The following GRHPR variants were observed in gnomAD, a reference collection of about 807,000 sequenced individuals.
GRHPR encodes glyoxylate reductase/hydroxypyruvate reductase.
GRHPR carries 35 observed loss-of-function variants against 36.8 expected under a neutral mutation model. The observed-to-expected ratio is 0.95, with a 90% CI of 0.73 to 1.26. GRHPR has a LOEUF of 1.26. GRHPR is among the 50% of genes most tolerant of loss of function. The pLI is 0.00. For synonymous variants in GRHPR, 179 were observed against 181.0 expected, an observed-to-expected ratio of 0.99 and a Z score of 0.09; for missense variants, 380 against 435.0, an observed-to-expected ratio of 0.87 and a Z score of 1.12.
chr9:37,425,859 C>G, intron 2 of GRHPR, 63 bp from the exon 3 acceptor site: 1 of 1,013,634 alleles, frequency 9.9e-7, no homozygotes, highest in Non-Finnish European at 1.6e-6. Context: ...CATGATAGTC[C>G]CCAGTGCTGT....
At chr9:37,437,048 C>T (rs972863130), downstream of GRHPR, 16 of 421,006 alleles carry the variant, frequency 3.8e-5, no homozygotes, top group East Asian at 4.7e-4. Context: ...GGCATGGTGA[C>T]GCACCCCTAT....
chr9:37,430,980 G>A (rs1445757818), intron 7 of GRHPR: 2 of 497,224 alleles, frequency 4.0e-6, no homozygotes, highest in Non-Finnish European at 4.1e-6. Flanking sequence ...TTGAGGATCT[G>A]AAGGGCCCTC....
intron 4 of GRHPR, 94 bp downstream of exon 4, chr9:37,426,748 G>T: frequency 1.3e-6 from 1 of 763,234 alleles, no homozygotes; most frequent in Non-Finnish European, 2.4e-6. Flanking sequence ...AGGAGTTCGA[G>T]ACCAGTCTGG....
intron 7 of GRHPR, chr9:37,431,082 AAAACTCAC>A (rs1823344888): frequency 1.1e-5 from 5 of 470,072 alleles, no homozygotes; most frequent in African/African-American, 1.0e-4. Context: ...GACAGACCCT[AAAACTCAC>A]GTGGTCGTAG....
downstream of GRHPR, chr9:37,438,912 CT>C (rs904783473): frequency 2.0e-5 from 3 of 152,186 alleles, no homozygotes; most frequent in African/African-American, 7.2e-5. Flanking sequence ...CCAAGCGCCC[CT>C]GGAACATGAA....
intron 8 of GRHPR, 96 bp from the exon 9 acceptor site, chr9:37,436,565 T>C (rs1362692338): frequency 7.4e-7 from 1 of 1,351,806 alleles, no homozygotes; most frequent in Non-Finnish European, 1.1e-6. Context: ...CTCTCTTTAT[T>C]CTTCTTACCG....
intron 4 of GRHPR, 92 bp downstream of exon 4, chr9:37,426,746 G>C (rs973633749): frequency 1.3e-6 from 1 of 771,624 alleles, no homozygotes; most frequent in Non-Finnish European, 2.3e-6. Context: ...TTAGGAGTTC[G>C]AGACCAGTCT....
chr9:37,427,838 C>CAAA (rs1157647918), intron 4 of GRHPR: 17 of 86,562 alleles, frequency 2.0e-4, no homozygotes, highest in African/African-American at 4.6e-4. Context: ...ACCCTGTCTC[C>CAAA]AAAAAAAAAA....
At chr9:37,438,530 T>G (rs1171711045), downstream of GRHPR, 4 of 152,220 alleles carry the variant, frequency 2.6e-5, no homozygotes, top group Admixed American at 2.6e-4. Context: ...CAAAGTCCAC[T>G]TATGCTTCAG....
intron 8 of GRHPR, 116 bp downstream of exon 8, chr9:37,432,254 G>T: frequency 1.1e-6 from 1 of 952,376 alleles, no homozygotes; most frequent in South Asian, 1.4e-5. Flanking sequence ...AACCCAAAGG[G>T]ACACACCAGG....
At chr9:37,436,108 G>A (rs7867764) in intron 8 of GRHPR, among the ~76,000 whole-genome samples, 20,921 of 152,124 alleles carry the variant, frequency 0.14, 1,768 homozygotes, top group Middle Eastern at 0.23. Flanking sequence ...ACTCCTATGC[G>A]TTCACCATTT....
intron 8 of GRHPR, chr9:37,432,713 T>C (rs924728374): frequency 7.5e-5 from 13 of 172,564 alleles, no homozygotes; most frequent in East Asian, 3.1e-4. Context: ...GCTGACTACA[T>C]GTCTCCATGT....
Position 37,426,638 on chromosome 9 carries a change from A to G in GRHPR, c.388A>G (p.Ile130Val). 1.2e-6 allele frequency: 2 copies of G among 1,606,526 alleles called. No individual in the cohort carries two copies. The highest frequency in any genetic ancestry group is 2.2e-5 in the East Asian group (1 of 44,852). Residue 130 changes from isoleucine (I) to valine (V), a missense_variant, in exon 4 of 9, where the codon ATC becomes GTC. Physicochemically the swap from Ile to Val is conservative, Grantham distance 29. Transcript: ENST00000318158. ...CACCTGCCGCCGGTTGCCGGAGGCCATCGAGGAAGTGAAGAAGTAAGTGAA... is the reference window on the plus strand; with the variant it reads ...CACCTGCCGCCGGTTGCCGGAGGCCGTCGAGGAAGTGAAGAAGTAAGTGAA... Reference protein sequence around the residue: ...LTTCRRLPEAIEEVKNGGWTS... With the variant: ...LTTCRRLPEAVEEVKNGGWTS...
intron 8 of GRHPR, among the ~76,000 whole-genome samples, chr9:37,435,440 A>G (rs1230444859): frequency 2.0e-5 from 3 of 152,236 alleles, no homozygotes; most frequent in East Asian, 3.9e-4. Context: ...TCCCTTCCTA[A>G]GTGTAGGGAA....
chr9:37,422,638 C>G (rs1822880032), upstream of GRHPR: 1 of 855,782 alleles, frequency 1.2e-6, no homozygotes, highest in Non-Finnish European at 1.9e-6. Flanking sequence ...ACCCCCTGCG[C>G]ACGCCGCGCG....
At chr9:37,439,430 ATAAAATTTAGGGTCTGTACTGT>A (rs1823811529), downstream of GRHPR, 1 of 152,238 alleles carries the variant, frequency 6.6e-6, no homozygotes, top group East Asian at 1.9e-4. Context: ...GCAACAAATA[ATAAAATTTAGGGTCTGTACTGT>A]TAAAAGTATA....
At chr9:37,428,124 C>A in intron 4 of GRHPR, 1 of 384,338 alleles carries the variant, frequency 2.6e-6, no homozygotes, top group Non-Finnish European at 5.0e-6. Context: ...CCTAAAGTGC[C>A]AAGAGAACTT....
chr9:37,427,669 C>T (rs1823146307), intron 4 of GRHPR: 1 of 152,058 alleles, frequency 6.6e-6, no homozygotes, highest in Admixed American at 6.6e-5. Context: ...AAAAGTCTGT[C>T]TCTACAAAAA....
chr9:37,429,837 GT>G lies in GRHPR; in HGVS notation c.598+2del, dbSNP rs753713773. 1 of 1,537,482 alleles carries G rather than the reference GT, an allele frequency of 6.5e-7. No individual in the cohort carries two copies. Among genetic ancestry groups the G allele is most frequent in the Admixed American group, 1.7e-5 (1 of 59,934 alleles). On this transcript the variant is annotated splice_donor_variant, in intron 6 of 8. Coordinates refer to ENST00000318158, the MANE Select transcript of GRHPR (RefSeq NM_012203.2). LOFTEE classifies it high-confidence loss of function. ...GCAGCAGAATTCCAGGCAGAGTTTG[GT>G]AAGTGAAGCCTTGATTTCCACAGGA...
Sources: allele counts gnomAD v4.1 joint callset (sites outside exome capture counted in the v4.1 genomes callset), GRCh38; gene constraint gnomAD v4.1.1; transcripts MANE v1.5; gene names NCBI Gene and HGNC (gene_info 2026-07-23, HGNC 2026-07-21).